The following CALCR variants were observed in gnomAD, a reference collection of about 807,000 sequenced individuals.
The protein encoded by CALCR is calcitonin receptor.
Under a neutral mutation model 59.5 loss-of-function variants are expected in CALCR, and 47 were observed. The ratio of observed to expected loss-of-function variants is 0.79; its 90% CI spans 0.63 to 1.01. The LOEUF (loss-of-function observed/expected upper bound fraction) is 1.01, where lower values mean the gene tolerates loss of function less well. Ranked by LOEUF, CALCR falls within the 50% of genes least tolerant of loss-of-function variation. The pLI, the probability that CALCR is intolerant of heterozygous loss-of-function variation, is 0.00. For synonymous variants in CALCR, 213 were observed against 211.3 expected (o/e 1.01, Z -0.07); for missense variants, 566 against 597.1 (o/e 0.95, Z 0.54).
chr7:93,438,293 T>G (rs778118335), intron 9 of CALCR, 23 bp from the exon 10 acceptor site: 1 of 1,590,966 alleles, frequency 6.3e-7, no homozygotes. Context: ...AAAGTACAAA[T>G]CACACTTGGT....
chr7:93,458,143 T>C (rs1019700924), intron 8 of CALCR, among the ~76,000 whole-genome samples: 1 of 152,176 alleles, frequency 6.6e-6, no homozygotes, highest in African/African-American at 2.4e-5. Flanking sequence ...CTGGACTTTG[T>C]CTCTGATAAC....
intron 2 of CALCR, among the ~76,000 whole-genome samples, chr7:93,567,974 T>C (rs531539346): frequency 3.3e-5 from 5 of 152,336 alleles, no homozygotes; most frequent in African/African-American, 1.2e-4. Context: ...GGCAGGGGCT[T>C]ATAAACTCAT....
intron 5 of CALCR, among the ~76,000 whole-genome samples, chr7:93,475,772 T>C (rs1800654396): frequency 6.6e-6 from 1 of 151,848 alleles, no homozygotes; most frequent in Admixed American, 6.6e-5. Flanking sequence ...CTTCACCTGA[T>C]GAGTCTTTCA....
intron 2 of CALCR, among the ~76,000 whole-genome samples, chr7:93,545,151 AACACAGAGGCCTT>A (rs1278955354): frequency 6.6e-6 from 1 of 152,098 alleles, no homozygotes; most frequent in Non-Finnish European, 1.5e-5. Context: ...CTACTTTGTA[AACACAGAGGCCTT>A]ACACAAATGC....
At chr7:93,470,878 A>C (rs1800537673) in intron 6 of CALCR, among the ~76,000 whole-genome samples, 3 of 150,942 alleles carry the variant, frequency 2.0e-5, no homozygotes, top group Non-Finnish European at 4.4e-5. Flanking sequence ...GCACCCACTA[A>C]CTTGTCATCT....
chr7:93,434,127 C>A, intron 13 of CALCR, 126 bp downstream of exon 13: 1 of 721,794 alleles, frequency 1.4e-6, no homozygotes, highest in Non-Finnish European at 2.5e-6. Flanking sequence ...CATCATGTTG[C>A]TAATCACAAA....
intron 4 of CALCR, 29 bp downstream of exon 4, chr7:93,479,325 C>A: frequency 6.4e-7 from 1 of 1,566,666 alleles, no homozygotes; most frequent in Non-Finnish European, 8.7e-7. Context: ...GTGTTTCAAA[C>A]ATATGTTCAT....
intron 2 of CALCR, among the ~76,000 whole-genome samples, chr7:93,515,908 A>G (rs1382364896): frequency 6.6e-6 from 1 of 152,040 alleles, no homozygotes; most frequent in Non-Finnish European, 1.5e-5. Flanking sequence ...CAAGACTGAT[A>G]TATTGTAAAA....
intron 2 of CALCR, among the ~76,000 whole-genome samples, chr7:93,513,927 A>G (rs1266750599): frequency 1.3e-5 from 2 of 151,946 alleles, no homozygotes; most frequent in African/African-American, 4.8e-5. Context: ...TTATATAGAT[A>G]TTTATTTTAT....
At chr7:93,500,958 C>T (rs558479209) in intron 2 of CALCR, among the ~76,000 whole-genome samples, 10 of 151,906 alleles carry the variant, frequency 6.6e-5, no homozygotes, top group African/African-American at 2.2e-4. Context: ...ATTTAAGAAT[C>T]CATTTTCCTG....
At chr7:93,503,143 T>A (rs1801355615) in intron 2 of CALCR, among the ~76,000 whole-genome samples, 1 of 152,094 alleles carries the variant, frequency 6.6e-6, no homozygotes, top group African/African-American at 2.4e-5. Context: ...ACATGATAAC[T>A]ATGGGGCAGC....
At chr7:93,435,251 C>A (rs566860308) in intron 12 of CALCR, among the ~76,000 whole-genome samples, 1 of 152,240 alleles carries the variant, frequency 6.6e-6, no homozygotes, top group South Asian at 2.1e-4. Context: ...ATTCACCTGA[C>A]AAATGGAGAG....
At chr7:93,515,729 T>C (rs182467299) in intron 2 of CALCR, among the ~76,000 whole-genome samples, 5 of 152,050 alleles carry the variant, frequency 3.3e-5, no homozygotes, top group Admixed American at 3.3e-4. Flanking sequence ...CCAATGCACA[T>C]TCAAATTTGT....
intron 2 of CALCR, among the ~76,000 whole-genome samples, chr7:93,501,047 T>A (rs1801312008): frequency 6.6e-6 from 1 of 152,006 alleles, no homozygotes; most frequent in Non-Finnish European, 1.5e-5. Flanking sequence ...ATTGTCTAGA[T>A]TCCCTTGAAA....
intron 13 of CALCR, among the ~76,000 whole-genome samples, chr7:93,432,521 G>A (rs987824003): frequency 1.4e-4 from 21 of 152,232 alleles, no homozygotes; most frequent in Non-Finnish European, 4.4e-5. Flanking sequence ...CCCCAGTAAC[G>A]GGATCTTAAT....
intron 2 of CALCR, 28 bp from the exon 3 acceptor site, chr7:93,487,035 T>A (rs943247120): frequency 1.7e-6 from 2 of 1,152,398 alleles, no homozygotes; most frequent in Non-Finnish European, 2.6e-6. Context: ...CAACAAAGAC[T>A]AAAATTAATA....
At chr7:93,519,960 C>T (rs1454364918) in intron 2 of CALCR, among the ~76,000 whole-genome samples, 1 of 151,968 alleles carries the variant, frequency 6.6e-6, no homozygotes, top group Non-Finnish European at 1.5e-5. Context: ...ATAAATTACC[C>T]AGTCTTGGGA....
chr7:93,429,657 T>A (rs1291971633), intron 13 of CALCR, among the ~76,000 whole-genome samples: 1 of 152,062 alleles, frequency 6.6e-6, no homozygotes, highest in East Asian at 1.9e-4. Context: ...GATTTGAATG[T>A]TTTTGTCTTT....
intron 9 of CALCR, 68 bp from the exon 10 acceptor site, chr7:93,438,338 A>C: frequency 8.6e-7 from 1 of 1,160,342 alleles, no homozygotes; most frequent in Admixed American, 1.7e-5. Flanking sequence ...AGCTGCATGG[A>C]CAATGGTAGT....
Sources: gnomAD v4.1 joint callset for allele counts (sites outside exome capture counted in the v4.1 genomes callset) on GRCh38, gnomAD v4.1.1 for gene constraint, MANE v1.5 for transcripts, NCBI Gene and HGNC (gene_info 2026-07-23, HGNC 2026-07-21) for gene names.